The following DGKB variants were observed in gnomAD, a reference collection of about 807,000 sequenced individuals.
The protein encoded by DGKB is 90 kDa diacylglycerol kinase.
Under a neutral mutation model 114.3 loss-of-function variants are expected in DGKB, and 67 were observed. The observed-to-expected ratio is 0.59, with a 90% confidence interval of 0.48 to 0.72. The LOEUF (loss-of-function observed/expected upper bound fraction) is 0.72, where lower values mean the gene tolerates loss of function less well. Among genes scored for constraint, DGKB ranks in the 30% least tolerant of loss-of-function variants. DGKB has a pLI of 0.00. For synonymous variants in DGKB, 398 were observed against 323.1 expected (o/e 1.23, Z -2.49); for missense variants, 907 against 975.2 (o/e 0.93, Z 0.93).
At chr7:14,540,522 A>C (rs982822674) in intron 20 of DGKB, among the ~76,000 whole-genome samples, 12 of 152,156 alleles carry the variant, frequency 7.9e-5, no homozygotes, top group African/African-American at 2.9e-4. Flanking sequence ...TATCTTCATA[A>C]TTCCTATCAT....
At chr7:14,870,384 C>T (rs1359483035) in intron 1 of DGKB, among the ~76,000 whole-genome samples, 1 of 152,202 alleles carries the variant, frequency 6.6e-6, no homozygotes, top group Non-Finnish European at 1.5e-5. Flanking sequence ...CCTTTGCCTT[C>T]TGGCTCAGAA....
chr7:14,884,166 T>G (rs1854659640), intron 1 of DGKB, among the ~76,000 whole-genome samples: 1 of 151,956 alleles, frequency 6.6e-6, no homozygotes, highest in African/African-American at 2.4e-5. Context: ...GCCCTAAAAA[T>G]ATGCAAACGA....
intron 23 of DGKB, among the ~76,000 whole-genome samples, chr7:14,297,251 A>G (rs1802744575): frequency 6.6e-6 from 1 of 152,150 alleles, no homozygotes; most frequent in Non-Finnish European, 1.5e-5. Context: ...AGACACAACA[A>G]AAAGGAAAAT....
chr7:14,599,662 C>T (rs1300284018), intron 17 of DGKB, among the ~76,000 whole-genome samples: 2 of 152,118 alleles, frequency 1.3e-5, no homozygotes, highest in East Asian at 1.9e-4. Flanking sequence ...TGTTTTCCAT[C>T]ACTAAAATAT....
At chr7:14,160,982 C>T (rs1042513971) in intron 25 of DGKB, among the ~76,000 whole-genome samples, 1 of 151,972 alleles carries the variant, frequency 6.6e-6, no homozygotes, top group African/African-American at 2.4e-5. Flanking sequence ...ACAAACAACC[C>T]CATCAAAAAG....
intron 2 of DGKB, among the ~76,000 whole-genome samples, chr7:14,764,193 T>G (rs2128459578): frequency 6.6e-6 from 1 of 152,064 alleles, no homozygotes; most frequent in South Asian, 2.1e-4. Context: ...TTTTCTAATT[T>G]AAATACTTAG....
intron 1 of DGKB, among the ~76,000 whole-genome samples, chr7:14,926,513 G>C (rs748325932): frequency 2.7e-5 from 4 of 147,616 alleles, no homozygotes; most frequent in Non-Finnish European, 4.5e-5. Context: ...TTTTTTTTTA[G>C]TGGTAAGTGG....
chr7:14,961,611 T>C (rs1405391576), intron 1 of DGKB, among the ~76,000 whole-genome samples: 1 of 152,118 alleles, frequency 6.6e-6, no homozygotes, highest in Non-Finnish European at 1.5e-5. Context: ...CTGGGGTCAC[T>C]CTTCTTGAAG....
intron 1 of DGKB, among the ~76,000 whole-genome samples, chr7:14,958,261 G>C (rs1027758721): frequency 2.0e-5 from 3 of 151,962 alleles, no homozygotes; most frequent in Admixed American, 6.6e-5. Context: ...ACTTCTGAGA[G>C]GCCTGAATGG....
chr7:14,237,852 TAATC>T lies in DGKB; in HGVS notation c.2123-59705_2123-59702del, dbSNP rs564519187. Among the ~76,000 whole-genome samples the T allele has an allele frequency of 1.5e-4, 23 of 152,174 alleles. 1 individual carries two copies. In the East Asian group the frequency reaches 3.5e-3, roughly 23 times the overall value. ...AATCTTTGCAGTGTTTAAGGAATGT[TAATC>T]ATTCATTCATTCAATATTAATGTAA... On this transcript the variant is annotated intron_variant, in intron 23 of 25. Coordinates refer to ENST00000402815, the MANE Select transcript of DGKB (RefSeq NM_001350709.2).
intron 1 of DGKB, among the ~76,000 whole-genome samples, chr7:14,910,062 G>C (rs36844): frequency 0.048 from 7,286 of 151,828 alleles, 270 homozygotes; most frequent in Non-Finnish European, 0.076. Flanking sequence ...CAAAAAATTA[G>C]CCAGGCATGG....
At chr7:14,446,975 G>C (rs566918472) in intron 21 of DGKB, among the ~76,000 whole-genome samples, 31 of 152,218 alleles carry the variant, frequency 2.0e-4, no homozygotes, top group African/African-American at 6.3e-4. Flanking sequence ...GCTCAGAAGG[G>C]ACTGTCCCAA....
At chr7:14,368,457 A>G (rs1281011317) in intron 21 of DGKB, among the ~76,000 whole-genome samples, 1 of 152,170 alleles carries the variant, frequency 6.6e-6, no homozygotes, top group Non-Finnish European at 1.5e-5. Context: ...GCACACAGAA[A>G]GTGCCCACTA....
intron 1 of DGKB, among the ~76,000 whole-genome samples, chr7:14,933,059 G>C (rs1191455425): frequency 6.6e-6 from 1 of 152,126 alleles, no homozygotes; most frequent in African/African-American, 2.4e-5. Flanking sequence ...TGGATGGTAA[G>C]GGAATCTTAG....
intron 1 of DGKB, among the ~76,000 whole-genome samples, chr7:14,857,867 C>CT (rs888778561): frequency 2.0e-5 from 3 of 151,726 alleles, no homozygotes; most frequent in African/African-American, 7.3e-5. Context: ...TTATTATACA[C>CT]TTTTTTCATA....
At chr7:14,931,617 A>G (rs953813365) in intron 1 of DGKB, among the ~76,000 whole-genome samples, 3 of 152,148 alleles carry the variant, frequency 2.0e-5, no homozygotes, top group Admixed American at 2.0e-4. Flanking sequence ...AACAGTCCCC[A>G]TAGCCACAGC....
At position 14,642,477 on chromosome 7, in the gene DGKB, A is replaced by T. The variant is rs191555021; in HGVS notation, c.1135-12209T>A. Among the ~76,000 whole-genome samples the T allele has an allele frequency of 1.2e-3, 187 of 152,348 alleles. 2 individuals are homozygous for T. In the South Asian group the frequency reaches 0.018, roughly 15 times the overall value. ...TGGCAGTTGATAGAAAAGTCAAAGGAAACAAATACAACTACACCGATTATT... is the reference window on the plus strand; with the variant it reads ...TGGCAGTTGATAGAAAAGTCAAAGGTAACAAATACAACTACACCGATTATT... On this transcript the variant is annotated intron_variant, in intron 13 of 25. Transcript: ENST00000402815.
At chr7:14,299,576 A>G (rs1312795245) in intron 23 of DGKB, among the ~76,000 whole-genome samples, 2 of 152,116 alleles carry the variant, frequency 1.3e-5, no homozygotes, top group African/African-American at 4.8e-5. Context: ...ACAGTTGAAA[A>G]CCTGTTTCTG....
At chr7:14,805,647 A>C (rs17168451) in intron 2 of DGKB, among the ~76,000 whole-genome samples, 15,147 of 151,988 alleles carry the variant, frequency 0.1, 919 homozygotes, top group East Asian at 0.24. Context: ...TCCATGGAGA[A>C]GTCTATCTTA....
Sources: allele counts gnomAD v4.1 joint callset (sites outside exome capture counted in the v4.1 genomes callset), GRCh38; gene constraint gnomAD v4.1.1; transcripts MANE v1.5; gene names NCBI Gene and HGNC (gene_info 2026-07-23, HGNC 2026-07-21).